Variants in PILRA observed in about 807,000 individuals in gnomAD.
PILRA encodes paired immunoglobin like type 2 receptor alpha.
Under a neutral mutation model 33.1 loss-of-function variants are expected in PILRA, and 37 were observed. The ratio of observed to expected loss-of-function variants is 1.12; its 90% confidence interval spans 0.86 to 1.47. The LOEUF is 1.47. Ranked by LOEUF, PILRA falls within the 40% of genes most tolerant of loss-of-function variation. The pLI, the probability that PILRA is intolerant of heterozygous loss-of-function variation, is 0.00. For missense variants in PILRA, 312 were observed against 376.2 expected (o/e 0.83, Z 1.41); for synonymous variants, 146 against 149.9 (o/e 0.97, Z 0.19).
At chr7:100,378,880 C>T (rs1183051020) in intron 2 of PILRA, among the ~76,000 whole-genome samples, 1 of 151,898 alleles carries the variant, frequency 6.6e-6, no homozygotes, top group Non-Finnish European at 1.5e-5. Context: ...ATCACGAGGT[C>T]AGGAGATCGA....
At chr7:100,381,914 G>A (rs932371649) in intron 2 of PILRA, among the ~76,000 whole-genome samples, 7 of 152,192 alleles carry the variant, frequency 4.6e-5, no homozygotes, top group African/African-American at 1.4e-4. Context: ...CCAGCCCACC[G>A]GCGCTGTGCT....
chr7:100,396,479 C>T (rs970978688), intron 3 of PILRA, among the ~76,000 whole-genome samples: 5 of 152,052 alleles, frequency 3.3e-5, no homozygotes, highest in Admixed American at 6.6e-5. Flanking sequence ...GTGGTGAAAC[C>T]CTGTCTCTAC....
chr7:100,381,916 C>T (rs1791106048), intron 2 of PILRA, among the ~76,000 whole-genome samples: 1 of 152,194 alleles, frequency 6.6e-6, no homozygotes, highest in Non-Finnish European at 1.5e-5. Flanking sequence ...AGCCCACCGG[C>T]GCTGTGCTCG....
intron 2 of PILRA, chr7:100,374,639 AT>A: frequency 1.7e-6 from 1 of 597,026 alleles, no homozygotes; most frequent in Non-Finnish European, 2.9e-6. Context: ...TTCCCCAACC[AT>A]CCCCCTCACT....
chr7:100,392,902 T>TA (rs1166445964), intron 3 of PILRA, among the ~76,000 whole-genome samples: 2 of 152,156 alleles, frequency 1.3e-5, no homozygotes, highest in Non-Finnish European at 2.9e-5. Context: ...ATAACCCTAG[T>TA]ACCAGAAGAA....
At chr7:100,391,042 A>C (rs574118543) in intron 3 of PILRA, among the ~76,000 whole-genome samples, 59 of 151,976 alleles carry the variant, frequency 3.9e-4, no homozygotes, top group Non-Finnish European at 7.5e-4. Flanking sequence ...AGGTGCGTTG[A>C]GGTGGCTCAC....
intron 3 of PILRA, among the ~76,000 whole-genome samples, chr7:100,391,377 A>C (rs578135785): frequency 7.1e-4 from 108 of 152,014 alleles, no homozygotes; most frequent in African/African-American, 2.3e-3. Context: ...ATAATTTAAA[A>C]AAAATTTTTT....
intron 2 of PILRA, among the ~76,000 whole-genome samples, chr7:100,377,454 G>A (rs1333113813): frequency 6.6e-6 from 1 of 151,510 alleles, no homozygotes; most frequent in Non-Finnish European, 1.5e-5. Context: ...TGTTAGCCAG[G>A]ATGGTCTCGA....
At chr7:100,390,135 A>AGATGGGAGGCTTGGGGAG in intron 3 of PILRA, 29 bp downstream of exon 3, 1 of 1,586,924 alleles carries the variant, frequency 6.3e-7, no homozygotes, top group Non-Finnish European at 8.7e-7. Flanking sequence ...CCCTCTCCCC[A>AGATGGGAGGCTTGGGGAG]AGCCTCCCAT....
intron 3 of PILRA, among the ~76,000 whole-genome samples, chr7:100,395,799 A>G (rs954284576): frequency 6.6e-6 from 1 of 152,132 alleles, no homozygotes; most frequent in Non-Finnish European, 1.5e-5. Context: ...AGTGCAAATG[A>G]TACAGAAAAA....
intron 2 of PILRA, among the ~76,000 whole-genome samples, chr7:100,380,786 G>A (rs1791074186): frequency 1.3e-5 from 2 of 152,184 alleles, no homozygotes; most frequent in South Asian, 2.1e-4. Context: ...CCAACACAGC[G>A]AAACCCTCCC....
At chr7:100,382,342 G>A (rs1234609795) in intron 2 of PILRA, among the ~76,000 whole-genome samples, 1 of 152,080 alleles carries the variant, frequency 6.6e-6, no homozygotes, top group African/African-American at 2.4e-5. Context: ...GCACCAATTG[G>A]CACTCTGTAT....
Position 100,374,332 on chromosome 7 carries a change from A to G in PILRA, c.353A>G (p.Gln118Arg). 6.2e-7 allele frequency: 1 copy of G among 1,614,148 alleles called. No individual in the cohort carries two copies. Among genetic ancestry groups the G allele is most frequent in the African/African-American group, 1.3e-5 (1 of 75,020 alleles). Residue 118 changes from glutamine to arginine, a missense_variant, in exon 2 of 7, where the codon CAG becomes CGG. Physicochemically the swap from Gln to Arg is conservative, Grantham distance 43 (BLOSUM62 1). Transcript: ENST00000198536. ...GFLRISNLQK[Q>R]DQSVYFCRVE... is the part of the protein sequence containing the mutation. ...CTCAGGATCTCCAACCTGCAGAAGC[A>G]GGACCAGTCTGTGTATTTCTGCCGA...
At position 100,373,523 on chromosome 7, in the gene PILRA, C is replaced by A; in HGVS notation, c.-134C>A. The A allele has an allele frequency of 1.1e-6, 1 of 942,158 alleles. No individual in the cohort carries two copies. The highest frequency in any genetic ancestry group is 1.7e-6 in the Non-Finnish European group (1 of 591,216). 58.4% of individuals were successfully genotyped at this position (942,158 alleles called of 1,614,324 possible). A position where few individuals can be genotyped will look rare whatever the true frequency, so the allele number is the denominator to read the frequency against. ...GCACTGGTTTGGGGAAGGCTCCTGGCCCCCACAGCCCTCTTCGGAGCCTGA... is the reference window on the plus strand; with the variant it reads ...GCACTGGTTTGGGGAAGGCTCCTGGACCCCACAGCCCTCTTCGGAGCCTGA... On this transcript the variant is annotated 5_prime_UTR_variant, in exon 1 of 7. Coordinates refer to ENST00000198536, the MANE Select transcript of PILRA (RefSeq NM_013439.3).
chr7:100,374,641 C>T, intron 2 of PILRA: 4 of 634,338 alleles, frequency 6.3e-6, no homozygotes, highest in Non-Finnish European at 2.8e-6. Flanking sequence ...CCCCAACCAT[C>T]CCCCTCACTG....
At chr7:100,372,948 T>G (rs1320170876), upstream of PILRA, among the ~76,000 whole-genome samples, 2 of 151,782 alleles carry the variant, frequency 1.3e-5, no homozygotes, top group Admixed American at 6.6e-5. Flanking sequence ...GAAGGACCAG[T>G]CTCTGTGTAG....
chr7:100,381,934 G>A (rs1454512134), intron 2 of PILRA, among the ~76,000 whole-genome samples: 1 of 152,130 alleles, frequency 6.6e-6, no homozygotes, highest in African/African-American at 2.4e-5. Context: ...TCGATTTCTC[G>A]CCAGGCCTTA....
intron 2 of PILRA, among the ~76,000 whole-genome samples, chr7:100,386,278 A>T (rs1228173878): frequency 6.6e-6 from 1 of 152,200 alleles, no homozygotes; most frequent in Admixed American, 6.5e-5. Context: ...GCTCTGAATC[A>T]GCAATGCCTT....
At chr7:100,385,976 G>A (rs1286204943) in intron 2 of PILRA, among the ~76,000 whole-genome samples, 4 of 149,016 alleles carry the variant, frequency 2.7e-5, no homozygotes, top group Non-Finnish European at 5.9e-5. Context: ...TGTCACCAAG[G>A]CTGGATGAGG....
Sources: allele counts gnomAD v4.1 joint callset (sites outside exome capture counted in the v4.1 genomes callset), GRCh38; gene constraint gnomAD v4.1.1; transcripts MANE v1.5; gene names NCBI Gene and HGNC (gene_info 2026-07-23, HGNC 2026-07-21).